The following MYO5A variants were observed in gnomAD, a reference collection of about 807,000 sequenced individuals.
MYO5A encodes myosin VA.
A neutral mutation model predicts 249.7 loss-of-function variants in MYO5A; 98 were observed. That is an observed-to-expected ratio of 0.39 (90% CI 0.33 to 0.46). The LOEUF (loss-of-function observed/expected upper bound fraction) is 0.46. MYO5A is among the 20% of genes least tolerant of loss of function. MYO5A has a pLI of 0.98. For synonymous variants in MYO5A, 778 were observed against 810.6 expected (o/e 0.96, Z 0.68); for missense variants, 1,696 against 2,308.8 (o/e 0.73, Z 5.44).
At chr15:52,331,968 A>C in intron 34 of MYO5A, 12 of 704,176 alleles carry the variant, frequency 1.7e-5, no homozygotes, top group Non-Finnish European at 2.1e-5. Context: ...ATGCAAGAGA[A>C]AAGGAGACTC....
chr15:52,428,199 T>C (rs1364205665), intron 3 of MYO5A, among the ~76,000 whole-genome samples, 199 bp downstream of exon 3: 1 of 152,216 alleles, frequency 6.6e-6, no homozygotes, highest in Non-Finnish European at 1.5e-5. Context: ...CTTTTTATTT[T>C]TAGCAAAATT....
At chr15:52,447,937 G>A (rs1218781425) in intron 1 of MYO5A, among the ~76,000 whole-genome samples, 1 of 152,240 alleles carries the variant, frequency 6.6e-6, no homozygotes, top group Non-Finnish European at 1.5e-5. Context: ...AGTCCACACA[G>A]AAGCCTGCTG....
intron 40 of MYO5A, among the ~76,000 whole-genome samples, chr15:52,314,552 G>A (rs1339509867): frequency 6.6e-6 from 1 of 152,156 alleles, no homozygotes; most frequent in East Asian, 1.9e-4. Flanking sequence ...CCCTCTAGCT[G>A]CTATAAATAT....
intron 1 of MYO5A, among the ~76,000 whole-genome samples, chr15:52,488,208 A>G: frequency 3.6e-5 from 1 of 27,476 alleles, no homozygotes; most frequent in South Asian, 1.5e-3. Context: ...AGAAGGATTA[A>G]AAAAAAAAAA....
At chr15:52,485,602 A>C (rs2076803878) in intron 1 of MYO5A, among the ~76,000 whole-genome samples, 1 of 152,236 alleles carries the variant, frequency 6.6e-6, no homozygotes, top group Non-Finnish European at 1.5e-5. Flanking sequence ...TTTAAAAAAA[A>C]GATTAAGTAA....
chr15:52,399,265 A>C (rs891611876), intron 9 of MYO5A, among the ~76,000 whole-genome samples: 1 of 152,222 alleles, frequency 6.6e-6, no homozygotes, highest in African/African-American at 2.4e-5. Flanking sequence ...TTAAGTATAT[A>C]GAAGTTTAGC....
At chr15:52,331,698 C>G (rs1042489486) in intron 34 of MYO5A, 2 of 985,436 alleles carry the variant, frequency 2.0e-6, no homozygotes, top group Non-Finnish European at 2.4e-6. Flanking sequence ...AACATCAGTA[C>G]CTGCCAGTGC....
At chr15:52,464,823 A>C (rs2076321418) in intron 1 of MYO5A, among the ~76,000 whole-genome samples, 1 of 152,226 alleles carries the variant, frequency 6.6e-6, no homozygotes, top group Non-Finnish European at 1.5e-5. Flanking sequence ...GCAGTCTTTT[A>C]ATCATAAACA....
intron 22 of MYO5A, among the ~76,000 whole-genome samples, chr15:52,367,498 A>C (rs555718779): frequency 2.8e-4 from 42 of 152,356 alleles, no homozygotes; most frequent in African/African-American, 1.0e-3. Context: ...TACATTAAAC[A>C]TTAAAAAATT....
At chr15:52,395,224 C>T (rs2141179023) in intron 11 of MYO5A, among the ~76,000 whole-genome samples, 1 of 152,232 alleles carries the variant, frequency 6.6e-6, no homozygotes, top group South Asian at 2.1e-4. Flanking sequence ...CTATGAAACA[C>T]CTAGTGATTT....
At chr15:52,476,475 T>G (rs2076595957) in intron 1 of MYO5A, among the ~76,000 whole-genome samples, 1 of 152,226 alleles carries the variant, frequency 6.6e-6, no homozygotes, top group South Asian at 2.1e-4. Context: ...TTGATGCAGT[T>G]TCTTCCTAGC....
At chr15:52,350,094 G>A (rs1044267139) in intron 28 of MYO5A, among the ~76,000 whole-genome samples, 3 of 152,120 alleles carry the variant, frequency 2.0e-5, no homozygotes, top group Admixed American at 6.5e-5. Flanking sequence ...CACCACACCC[G>A]GTTGATTTTT....
intron 1 of MYO5A, among the ~76,000 whole-genome samples, chr15:52,484,395 A>G (rs1335244736): frequency 6.6e-6 from 1 of 152,160 alleles, no homozygotes; most frequent in Non-Finnish European, 1.5e-5. Flanking sequence ...GATAGAGTAG[A>G]TATTAAAGAC....
intron 21 of MYO5A, among the ~76,000 whole-genome samples, chr15:52,371,281 A>T (rs2041099427): frequency 6.6e-6 from 1 of 152,018 alleles, no homozygotes; most frequent in Non-Finnish European, 1.5e-5. Context: ...TATATTCTTA[A>T]TTACCTTTAT....
At chr15:52,457,631 A>G (rs1011304119) in intron 1 of MYO5A, among the ~76,000 whole-genome samples, 4 of 152,212 alleles carry the variant, frequency 2.6e-5, no homozygotes, top group African/African-American at 7.2e-5. Context: ...GAGGATGTGG[A>G]GAAAAGGAAA....
intron 1 of MYO5A, 120 bp from the exon 2 acceptor site, chr15:52,433,405 G>C: frequency 1.4e-5 from 6 of 422,834 alleles, no homozygotes; most frequent in East Asian, 9.6e-5. Flanking sequence ...TGGCCAACAT[G>C]AAATTCACTT....
rs1209963594 is a variant in MYO5A, at chr15:52,358,958, T to G, written c.3423+1010A>C. ...AGAGTTGCAGTACAGAATCCCTGGA[T>G]GGAAGTCAGTAGAATATAATGGCTT... On this transcript the variant is annotated intron_variant, in intron 25 of 41. Transcript: ENST00000399233. Among the ~76,000 whole-genome samples, 5 of 152,170 alleles carry G rather than the reference T, an allele frequency of 3.3e-5. No homozygotes were observed. In the East Asian group the frequency reaches 9.6e-4, roughly 29 times the overall value.
At chr15:52,438,269 A>T (rs2075709198) in intron 1 of MYO5A, among the ~76,000 whole-genome samples, 1 of 152,180 alleles carries the variant, frequency 6.6e-6, no homozygotes, top group Non-Finnish European at 1.5e-5. Flanking sequence ...TCCGGTGAGA[A>T]GACTGGGGGA....
At position 52,496,923 on chromosome 15, in the gene MYO5A, G is replaced by A. The variant is rs189266563; in HGVS notation, c.27+31857C>T. Reference sequence around the variant, plus strand: ...CCTGTGCAACAACCAGTCAGTCACCGATATAGGCTGCCCTGCAAGAGGGTG... The same window carrying A: ...CCTGTGCAACAACCAGTCAGTCACCAATATAGGCTGCCCTGCAAGAGGGTG... On this transcript the variant is annotated intron_variant, in intron 1 of 41. Transcript: ENST00000399233. Among the ~76,000 whole-genome samples, 141 of 152,296 alleles carry A rather than the reference G, an allele frequency of 9.3e-4. 1 individual carries two copies. The highest frequency in any genetic ancestry group is 3.1e-3 in the African/African-American group (127 of 41,546).
Sources: allele counts gnomAD v4.1 joint callset (sites outside exome capture counted in the v4.1 genomes callset), GRCh38; gene constraint gnomAD v4.1.1; transcripts MANE v1.5; gene names NCBI Gene and HGNC (gene_info 2026-07-23, HGNC 2026-07-21).